Variants in WDR75 observed in about 807,000 individuals in gnomAD.
WDR75 encodes the protein WD repeat domain 75.
A neutral mutation model predicts 106.1 loss-of-function variants in WDR75; 52 were observed. The ratio of observed to expected loss-of-function variants is 0.49; its 90% CI spans 0.39 to 0.62. WDR75 has a LOEUF of 0.62. WDR75 is among the 20% of genes least tolerant of loss of function. The pLI is 0.00. For missense variants in WDR75, 905 were observed against 970.3 expected, an observed-to-expected ratio of 0.93 and a Z score of 0.89; for synonymous variants, 333 against 335.5, an observed-to-expected ratio of 0.99 and a Z score of 0.08.
At chr2:189,459,930 C>G (rs1686826238) in intron 8 of WDR75, among the ~76,000 whole-genome samples, 1 of 152,210 alleles carries the variant, frequency 6.6e-6, no homozygotes, top group Admixed American at 6.5e-5. Context: ...TTGTTTTTAA[C>G]TGTTACATGG....
At chr2:189,473,166 T>C (rs1687149353) in intron 18 of WDR75, among the ~76,000 whole-genome samples, 1 of 151,690 alleles carries the variant, frequency 6.6e-6, no homozygotes, top group South Asian at 2.1e-4. Context: ...GCAGTGAGCC[T>C]AGGTCACACC....
At position 189,465,201 on chromosome 2, in the gene WDR75, A is replaced by G; in HGVS notation, c.1236A>G (p.Glu412=). ...LATVEQRQEK[E]TELELQMKLW... ...CAGTGGAACAGCGGCAAGAAAAGGA[A>G]ACTGAGCTTGAATTGCAAATGAAAC... The change falls in exon 12 of 21, where the codon GAA becomes GAG. Residue 412 remains glutamate (E), a synonymous_variant. Coordinates refer to ENST00000314761, the MANE Select transcript of WDR75 (RefSeq NM_032168.3). The G allele has an allele frequency of 6.2e-7, 1 of 1,613,234 alleles. No individual in the cohort carries two copies. The highest frequency in any genetic ancestry group is 8.5e-7 in the Non-Finnish European group (1 of 1,179,378).
rs1224692456 is a variant in WDR75, at chr2:189,469,377, T to C, written c.1757T>C (p.Met586Thr). 4.3e-6 allele frequency: 7 copies of C among 1,613,620 alleles called. No homozygotes were observed. In the East Asian group the frequency reaches 1.6e-4, roughly 36 times the overall value. The change falls in exon 16 of 21, where the codon ATG becomes ACG. Residue 586 changes from methionine to threonine, a missense_variant. Transcript: ENST00000314761. ...EWNAKLNVRVMEPDPNSENIA... is the reference protein window; with the variant it reads ...EWNAKLNVRVTEPDPNSENIA... ...AATGCAAAATTAAATGTTAGAGTTA[T>C]GGAACCCGATCCTAATTCAGAGAAT...
chr2:189,455,775 A>C (rs1686723161), intron 5 of WDR75, among the ~76,000 whole-genome samples: 1 of 152,216 alleles, frequency 6.6e-6, no homozygotes, highest in African/African-American at 2.4e-5. Flanking sequence ...GAAAAATATA[A>C]TGAGGAAATA....
chr2:189,448,786 T>C (rs150154637), intron 2 of WDR75: 6,644 of 535,172 alleles, frequency 0.012, 267 homozygotes, highest in Admixed American at 0.09. Flanking sequence ...TATTTGTTGA[T>C]TGTAATCTTT....
At chr2:189,447,239 G>A (rs1021415636) in intron 1 of WDR75, among the ~76,000 whole-genome samples, 2 of 152,142 alleles carry the variant, frequency 1.3e-5, no homozygotes, top group Admixed American at 6.6e-5. Context: ...ATATTTCTGC[G>A]CCTTGTTCTG....
chr2:189,451,745 G>T, intron 3 of WDR75, 60 bp from the exon 4 acceptor site: 1 of 1,452,988 alleles, frequency 6.9e-7, no homozygotes, highest in Non-Finnish European at 9.6e-7. Context: ...TGCCTTGATG[G>T]ATCTTATGTT....
chr2:189,470,939 T>C, intron 18 of WDR75, 61 bp downstream of exon 18: 1 of 1,320,246 alleles, frequency 7.6e-7, no homozygotes, highest in East Asian at 2.5e-5. Context: ...AATTACCTTT[T>C]AGAAGTCAAC....
intron 16 of WDR75, 128 bp from the exon 17 acceptor site, chr2:189,469,948 T>C (rs543572580): frequency 1.2e-4 from 101 of 815,008 alleles, no homozygotes; most frequent in Non-Finnish European, 1.9e-4. Flanking sequence ...AATCAAAGCC[T>C]AAAACAGTCA....
intron 5 of WDR75, 45 bp from the exon 6 acceptor site, chr2:189,457,266 T>A: frequency 1.6e-6 from 2 of 1,266,296 alleles, no homozygotes; most frequent in African/African-American, 1.5e-5. Flanking sequence ...AAAAAAAGAG[T>A]GTTGACTATT....
At chr2:189,444,567 A>T (rs114436961) in intron 1 of WDR75, among the ~76,000 whole-genome samples, 1 of 152,204 alleles carries the variant, frequency 6.6e-6, no homozygotes, top group Non-Finnish European at 1.5e-5. Context: ...TAAATTGCCC[A>T]CAAGCTAATG....
Position 189,450,953 on chromosome 2 carries a change from T to C in WDR75, c.267T>C (p.Asp89=). 1.2e-6 allele frequency: 2 copies of C among 1,609,754 alleles called. No homozygotes were observed. The highest frequency in any genetic ancestry group is 3.4e-5 in the Admixed American group (2 of 58,770). The change falls in exon 3 of 21, where the codon GAT becomes GAC. Residue 89 remains aspartate, a synonymous_variant. Transcript: ENST00000314761. ...CAATTAAACTGTGGGACTATATAGA[T>C]GGCATCTTAATAAAGGTATGTGGAT... ...DGTIKLWDYI[D]GILIKTFIVG...
intron 1 of WDR75, among the ~76,000 whole-genome samples, chr2:189,442,470 A>G (rs1232732744): frequency 9.3e-5 from 1 of 10,762 alleles, no homozygotes. Flanking sequence ...TTTTTTTTTG[A>G]TGCAGAATCT....
At position 189,450,295 on chromosome 2, in the gene WDR75, A is replaced by T. The variant is rs113812069; in HGVS notation, c.217-608A>T. The T allele has an allele frequency of 5.1e-5, 50 of 985,678 alleles. No individual in the cohort carries two copies. The African/African-American group carries it at 7.8e-4, about 15-fold the overall frequency. The allele number at this position is 985,678 out of a possible 1,614,324, so 61.1% of individuals were successfully genotyped here. On this transcript the variant is annotated intron_variant, in intron 2 of 20. Transcript: ENST00000314761. Reference sequence around the variant, plus strand: ...AAAAGGAGTTTGGCTAATAAAACTGAGTAAGCTGAGTTCTGGCAGGAAGAG... The same window carrying T: ...AAAAGGAGTTTGGCTAATAAAACTGTGTAAGCTGAGTTCTGGCAGGAAGAG...
Position 189,458,626 on chromosome 2 carries a change from T to TA in WDR75, c.570-126dup, listed in dbSNP as rs1379236781. 1.2e-5 allele frequency: 9 copies of TA among 728,334 alleles called. No homozygotes were observed. The Middle Eastern group carries it at 1.2e-3, about 101-fold the overall frequency. 45.1% of individuals were successfully genotyped at this position (728,334 alleles called of 1,614,324 possible). On this transcript the variant is annotated intron_variant, in intron 6 of 20. Transcript: ENST00000314761. ...TTCTTTTTAAAAAAAATCCTGCAGT[T>TA]ATATTTATTGAATTCTGAGCTCTAC...
chr2:189,449,248 C>A, intron 2 of WDR75: 2 of 1,303,230 alleles, frequency 1.5e-6, no homozygotes, highest in Non-Finnish European at 2.0e-6. Context: ...GGATTAGTCA[C>A]AGCCAACTTG....
intron 19 of WDR75, 26 bp from the exon 20 acceptor site, chr2:189,474,691 C>T (rs372060334): frequency 4.4e-6 from 7 of 1,599,672 alleles, no homozygotes; most frequent in Non-Finnish European, 6.0e-6. Context: ...TTTTTAATTG[C>T]AACCGTGTTT....
intron 9 of WDR75, among the ~76,000 whole-genome samples, 193 bp downstream of exon 9, chr2:189,462,835 G>T (rs1398433057): frequency 1.3e-5 from 2 of 151,994 alleles, no homozygotes; most frequent in Non-Finnish European, 2.9e-5. Flanking sequence ...CAACATTTTT[G>T]AGAATTATTT....
At chr2:189,448,295 C>A in intron 1 of WDR75, 84 bp from the exon 2 acceptor site, 1 of 1,413,708 alleles carries the variant, frequency 7.1e-7, no homozygotes, top group Non-Finnish European at 9.4e-7. Flanking sequence ...ACCACTGAAA[C>A]AATGATGAAA....
Sources: allele counts gnomAD v4.1 joint callset (sites outside exome capture counted in the v4.1 genomes callset), GRCh38; gene constraint gnomAD v4.1.1; transcripts MANE v1.5; gene names NCBI Gene and HGNC (gene_info 2026-07-23, HGNC 2026-07-21).